Variants in LPP observed in about 807,000 individuals in gnomAD.
The protein encoded by LPP is lipoma-preferred partner.
Under a neutral mutation model 60.4 loss-of-function variants are expected in LPP, and 38 were observed. That is an observed-to-expected ratio of 0.63 (90% CI 0.49 to 0.83). The LOEUF (loss-of-function observed/expected upper bound fraction) is 0.83. LPP is among the 40% of genes least tolerant of loss of function. The pLI is 0.00. For synonymous variants in LPP, 328 were observed against 290.8 expected (o/e 1.13, Z -1.30); for missense variants, 902 against 783.6 (o/e 1.15, Z -1.80).
intron 8 of LPP, among the ~76,000 whole-genome samples, chr3:188,755,078 T>G (rs1560160262): frequency 6.6e-6 from 1 of 152,234 alleles, no homozygotes; most frequent in Non-Finnish European, 1.5e-5. Flanking sequence ...TTTTGCAGAA[T>G]ATATCGAAGA....
chr3:188,468,631 A>G (rs1042822154), intron 4 of LPP, among the ~76,000 whole-genome samples: 1 of 152,110 alleles, frequency 6.6e-6, no homozygotes, highest in African/African-American at 2.4e-5. Flanking sequence ...GTCTGTTTAT[A>G]AGAAGAAGCA....
intron 4 of LPP, among the ~76,000 whole-genome samples, chr3:188,464,262 A>T (rs1799819648): frequency 6.6e-6 from 1 of 152,222 alleles, no homozygotes; most frequent in Non-Finnish European, 1.5e-5. Context: ...TTTTAAATAC[A>T]GTATGACTAA....
chr3:188,398,579 C>T (rs1781507983), intron 3 of LPP, among the ~76,000 whole-genome samples: 1 of 152,206 alleles, frequency 6.6e-6, no homozygotes. Flanking sequence ...ACATTTTCAG[C>T]CCATGGTAGA....
At position 188,882,430 on chromosome 3, in the gene LPP, A is replaced by G. The variant is rs150362518; in HGVS notation, c.*7951A>G. ...ATAGAGGAAGCCTGAGGAAGTATTT[A>G]CTTGCTTTTCCCATCTCTTTATAAT... On this transcript the variant is annotated 3_prime_UTR_variant, in exon 12 of 12. Transcript: ENST00000617246. 2.2e-5 allele frequency: 5 copies of G among 227,130 alleles called. No individual in the cohort carries two copies. The highest frequency in any genetic ancestry group is 1.1e-4 in the African/African-American group (5 of 45,136). The allele number at this position is 227,130 out of a possible 1,614,324, so 14.1% of individuals were successfully genotyped here. A position where few individuals can be genotyped will look rare whatever the true frequency, so the allele number is the denominator to read the frequency against.
chr3:188,697,211 T>C (rs1272703976), intron 7 of LPP, among the ~76,000 whole-genome samples: 1 of 152,238 alleles, frequency 6.6e-6, no homozygotes, highest in Non-Finnish European at 1.5e-5. Context: ...GCCCTTTCTT[T>C]GCATCCTAAG....
chr3:188,368,366 G>A (rs1049912303), intron 3 of LPP, among the ~76,000 whole-genome samples: 1 of 126,668 alleles, frequency 7.9e-6, no homozygotes, highest in Admixed American at 8.9e-5. Context: ...TTCAGAAACA[G>A]TTGGCTTGAC....
intron 6 of LPP, among the ~76,000 whole-genome samples, chr3:188,581,668 C>T (rs77790010): frequency 6.6e-6 from 1 of 152,060 alleles, no homozygotes; most frequent in African/African-American, 2.4e-5. Context: ...CTCCATTCAG[C>T]TGCAGCCTCT....
At chr3:188,786,502 G>A (rs1014304042) in intron 9 of LPP, among the ~76,000 whole-genome samples, 1 of 150,712 alleles carries the variant, frequency 6.6e-6, no homozygotes, top group Admixed American at 6.6e-5. Context: ...AACCATTCTA[G>A]AGAAAGTTTT....
intron 7 of LPP, among the ~76,000 whole-genome samples, chr3:188,643,434 A>C (rs1370551591): frequency 1.3e-5 from 2 of 152,236 alleles, no homozygotes; most frequent in East Asian, 3.8e-4. Context: ...CTGTCTCACC[A>C]CTGAATGACT....
At chr3:188,311,869 G>A (rs990134175) in intron 2 of LPP, among the ~76,000 whole-genome samples, 3 of 151,926 alleles carry the variant, frequency 2.0e-5, no homozygotes, top group Non-Finnish European at 4.4e-5. Flanking sequence ...GAACTCCTGA[G>A]CTCAGATGAT....
chr3:188,378,582 A>G (rs1268410213), intron 3 of LPP, among the ~76,000 whole-genome samples: 2 of 152,106 alleles, frequency 1.3e-5, no homozygotes, highest in Non-Finnish European at 2.9e-5. Flanking sequence ...TTAGGGTGGG[A>G]GTGACCTGAT....
chr3:188,509,997 G>T (rs1293497601), intron 5 of LPP, among the ~76,000 whole-genome samples: 1 of 151,290 alleles, frequency 6.6e-6, no homozygotes, highest in African/African-American at 2.4e-5. Flanking sequence ...GATTAGAGGC[G>T]TGAGCCACTG....
At chr3:188,195,845 T>C (rs1322870651) in intron 1 of LPP, among the ~76,000 whole-genome samples, 1 of 152,242 alleles carries the variant, frequency 6.6e-6, no homozygotes, top group Admixed American at 6.5e-5. Flanking sequence ...ATCTTATTCC[T>C]TTTGGACAGC....
chr3:188,664,520 T>C (rs954417182), intron 7 of LPP, among the ~76,000 whole-genome samples: 1 of 152,170 alleles, frequency 6.6e-6, no homozygotes, highest in Non-Finnish European at 1.5e-5. Flanking sequence ...TGATAGAAAC[T>C]GTTTTTAAAA....
At chr3:188,207,023 T>A (rs1733423215) in intron 1 of LPP, among the ~76,000 whole-genome samples, 1 of 152,174 alleles carries the variant, frequency 6.6e-6, no homozygotes, top group Non-Finnish European at 1.5e-5. Context: ...AATGGTATAA[T>A]CAGAGCTTTG....
At chr3:188,775,736 C>T (rs1008036118) in intron 9 of LPP, among the ~76,000 whole-genome samples, 2 of 152,220 alleles carry the variant, frequency 1.3e-5, no homozygotes, top group Admixed American at 6.5e-5. Context: ...ATGCACAGAT[C>T]GATAAACCCC....
intron 2 of LPP, among the ~76,000 whole-genome samples, chr3:188,327,630 C>T (rs983722812): frequency 6.6e-6 from 1 of 152,104 alleles, no homozygotes; most frequent in African/African-American, 2.4e-5. Flanking sequence ...TGACCAGTGG[C>T]CTCTTGTATG....
chr3:188,335,805 G>T (rs1377181058), intron 2 of LPP, among the ~76,000 whole-genome samples: 1 of 151,950 alleles, frequency 6.6e-6, no homozygotes, highest in African/African-American at 2.4e-5. Flanking sequence ...CATATTTCTT[G>T]TGTCAGTGAG....
chr3:188,486,076 A>G (rs1806416653), intron 5 of LPP, among the ~76,000 whole-genome samples: 1 of 152,058 alleles, frequency 6.6e-6, no homozygotes, highest in African/African-American at 2.4e-5. Flanking sequence ...TAGGATATGT[A>G]TTTATGGCAT....
Sources: allele counts gnomAD v4.1 joint callset (sites outside exome capture counted in the v4.1 genomes callset), GRCh38; gene constraint gnomAD v4.1.1; transcripts MANE v1.5; gene names NCBI Gene and HGNC (gene_info 2026-07-23, HGNC 2026-07-21).